Variants in MCTP1 observed in about 807,000 individuals in gnomAD.
The protein encoded by MCTP1 is multiple C2 and transmembrane domain-containing protein 1.
A neutral mutation model predicts 120.6 loss-of-function variants in MCTP1; 69 were observed. That is an observed-to-expected ratio of 0.57 (90% CI 0.47 to 0.70). The LOEUF (loss-of-function observed/expected upper bound fraction) is 0.70, where lower values mean the gene tolerates loss of function less well. Among genes scored for constraint, MCTP1 ranks in the 30% least tolerant of loss-of-function variants. The pLI is 0.00. For synonymous variants in MCTP1, 529 were observed against 493.1 expected (o/e 1.07, Z -0.96); for missense variants, 1,203 against 1,248.8 (o/e 0.96, Z 0.55).
At chr5:94,960,808 T>C (rs1462116374) in intron 2 of MCTP1, among the ~76,000 whole-genome samples, 1 of 152,182 alleles carries the variant, frequency 6.6e-6, no homozygotes, top group African/African-American at 2.4e-5. Flanking sequence ...ATAAGAATGC[T>C]TTTACACTGT....
intron 1 of MCTP1, chr5:95,068,721 C>T (rs1003052561): frequency 1.5e-5 from 15 of 1,019,234 alleles, no homozygotes; most frequent in Non-Finnish European, 1.9e-5. Context: ...AAAAATAAAG[C>T]TTTTATGCCT....
chr5:94,740,869 G>A (rs1168257587), intron 19 of MCTP1, among the ~76,000 whole-genome samples: 1 of 152,210 alleles, frequency 6.6e-6, no homozygotes, highest in Admixed American at 6.5e-5. Context: ...ACAAAGGAAT[G>A]ATTAATTGGG....
At chr5:95,089,319 T>C (rs116739026) in intron 1 of MCTP1, among the ~76,000 whole-genome samples, 1,894 of 152,270 alleles carry the variant, frequency 0.012, 16 homozygotes, top group Middle Eastern at 0.02. Context: ...ATGAAGCACA[T>C]ATTCCAGAGT....
At chr5:95,228,470 A>AAGAG (rs56915525) in intron 1 of MCTP1, among the ~76,000 whole-genome samples, 122,820 of 147,338 alleles carry the variant, frequency 0.83, 51,088 homozygotes, top group African/African-American at 0.9. Context: ...ATGCAGCCAA[A>AAGAG]AGAGAGAGAG....
rs550904614 is a variant in MCTP1, at chr5:95,248,380, TAGAC to T, written c.720+35472_720+35475del. On this transcript the variant is annotated intron_variant, in intron 1 of 22. Coordinates refer to ENST00000515393, the MANE Select transcript of MCTP1 (RefSeq NM_024717.7). The stretch of plus-strand genomic sequence containing the variant: ...CACAAGCATTCCTATACACCAATAA[TAGAC>T]AGAGAGCCAAATCATGAGTGAACTC... Among the ~76,000 whole-genome samples, 20 of 151,366 alleles carry T rather than the reference TAGAC, an allele frequency of 1.3e-4. No individual in the cohort carries two copies. The South Asian group carries it at 1.5e-3, about 11-fold the overall frequency.
chr5:95,077,522 G>C (rs1364307979), intron 1 of MCTP1, among the ~76,000 whole-genome samples: 1 of 151,826 alleles, frequency 6.6e-6, no homozygotes, highest in Non-Finnish European at 1.5e-5. Context: ...GCCCAGGCTG[G>C]AGTGCAGTGG....
At position 94,870,985 on chromosome 5, in the gene MCTP1, G is replaced by A. The variant is rs756348973; in HGVS notation, c.2140-12C>T. The A allele has an allele frequency of 8.6e-5, 138 of 1,605,556 alleles. No individual in the cohort carries two copies. The highest frequency in any genetic ancestry group is 1.2e-4 in the Non-Finnish European group (137 of 1,172,834). ...TCACCATTTTGAATCTGCGGGAAAA[G>A]GACATGACAGCCGTCTGTCTCGCGG... On this transcript the variant is annotated splice_polypyrimidine_tract_variant and intron_variant, in intron 14 of 22. Coordinates refer to ENST00000515393, the MANE Select transcript of MCTP1 (RefSeq NM_024717.7).
At chr5:94,861,564 A>T (rs1285215689) in intron 17 of MCTP1, among the ~76,000 whole-genome samples, 1 of 151,904 alleles carries the variant, frequency 6.6e-6, no homozygotes, top group Non-Finnish European at 1.5e-5. Flanking sequence ...TTACTAACAT[A>T]AATTATATAA....
intron 16 of MCTP1, among the ~76,000 whole-genome samples, chr5:94,868,954 TTATC>T (rs770558504): frequency 5.1e-4 from 78 of 151,966 alleles, no homozygotes; most frequent in Middle Eastern, 3.4e-3. Flanking sequence ...TACTATCATA[TTATC>T]TATCTATCTA....
chr5:95,161,115 C>T (rs1055842993), intron 1 of MCTP1, among the ~76,000 whole-genome samples: 4 of 152,178 alleles, frequency 2.6e-5, no homozygotes, highest in Admixed American at 2.6e-4. Context: ...GGACTGAAAT[C>T]AGTATGCTGA....
intron 1 of MCTP1, among the ~76,000 whole-genome samples, chr5:95,166,520 T>C (rs555401786): frequency 1.9e-4 from 29 of 152,012 alleles, no homozygotes; most frequent in Non-Finnish European, 3.1e-4. Flanking sequence ...AAATTGTGAA[T>C]ATGCCTTACT....
At chr5:95,043,777 T>A (rs1842730808) in intron 1 of MCTP1, among the ~76,000 whole-genome samples, 3 of 152,198 alleles carry the variant, frequency 2.0e-5, no homozygotes, top group Admixed American at 2.0e-4. Flanking sequence ...AAGCAATTTT[T>A]AAGTGGTTAG....
At chr5:94,966,003 G>A (rs1825499304) in intron 2 of MCTP1, among the ~76,000 whole-genome samples, 1 of 152,058 alleles carries the variant, frequency 6.6e-6, no homozygotes, top group Non-Finnish European at 1.5e-5. Context: ...ATCTATAACT[G>A]TGTATTTATA....
intron 1 of MCTP1, among the ~76,000 whole-genome samples, chr5:95,208,753 C>T (rs1404306459): frequency 6.6e-6 from 1 of 151,298 alleles, no homozygotes; most frequent in Non-Finnish European, 1.5e-5. Context: ...AGTTCTAGAA[C>T]ATATGTATTA....
At chr5:94,885,634 TAG>T (rs1230985002) in intron 12 of MCTP1, among the ~76,000 whole-genome samples, 1 of 133,126 alleles carries the variant, frequency 7.5e-6, no homozygotes. Flanking sequence ...TCACAACGTG[TAG>T]AGTTTTAAGG....
At chr5:95,204,546 T>C (rs1751414961) in intron 1 of MCTP1, among the ~76,000 whole-genome samples, 2 of 152,154 alleles carry the variant, frequency 1.3e-5, no homozygotes, top group South Asian at 4.1e-4. Context: ...AAGAGAATAA[T>C]ATGAAAGTCA....
At chr5:95,004,339 T>C (rs309808) in intron 2 of MCTP1, among the ~76,000 whole-genome samples, 110,084 of 152,148 alleles carry the variant, frequency 0.72, 40,325 homozygotes, top group Middle Eastern at 0.83. Flanking sequence ...ATTTGCAGCC[T>C]AGCCATGTGG....
intron 1 of MCTP1, among the ~76,000 whole-genome samples, chr5:95,148,026 C>T (rs1227073847): frequency 2.6e-5 from 4 of 152,106 alleles, no homozygotes; most frequent in African/African-American, 9.7e-5. Context: ...AAAATAGGTC[C>T]CCTATCTCTT....
At chr5:95,276,779 C>T (rs1219905034) in intron 1 of MCTP1, among the ~76,000 whole-genome samples, 1 of 151,496 alleles carries the variant, frequency 6.6e-6, no homozygotes, top group Non-Finnish European at 1.5e-5. Flanking sequence ...GGTGAAACCC[C>T]GTCTCCACTA....
Sources: gnomAD v4.1 joint callset for allele counts (sites outside exome capture counted in the v4.1 genomes callset) on GRCh38, gnomAD v4.1.1 for gene constraint, MANE v1.5 for transcripts, NCBI Gene and HGNC (gene_info 2026-07-23, HGNC 2026-07-21) for gene names.